AGO4: variants seen among roughly 807,000 people sequenced by gnomAD.
The protein encoded by AGO4 is argonaute RISC component 4, also known as protein argonaute-4.
Under a neutral mutation model 104.7 loss-of-function variants are expected in AGO4, and 33 were observed. That is an observed-to-expected ratio of 0.32 (90% CI 0.24 to 0.42). The LOEUF is 0.42. AGO4 is among the 10% of genes least tolerant of loss of function. The pLI, the probability that AGO4 is intolerant of heterozygous loss-of-function variation, is 1.00. For missense variants in AGO4, 711 were observed against 1,083.4 expected (o/e 0.66, Z 4.83); for synonymous variants, 331 against 364.7 (o/e 0.91, Z 1.05).
At chr1:35,814,570 C>T (rs1643629023) in intron 1 of AGO4, among the ~76,000 whole-genome samples, 1 of 150,512 alleles carries the variant, frequency 6.6e-6, no homozygotes, top group African/African-American at 2.4e-5. Flanking sequence ...TAAGAGTTTG[C>T]AATCTAGTGA....
chr1:35,852,382 A>G (rs1010121448), intron 17 of AGO4, among the ~76,000 whole-genome samples: 1 of 152,232 alleles, frequency 6.6e-6, no homozygotes, highest in Non-Finnish European at 1.5e-5. Flanking sequence ...CAAGCCCTTT[A>G]TATCACATGG....
intron 17 of AGO4, among the ~76,000 whole-genome samples, 178 bp from the exon 18 acceptor site, chr1:35,853,319 A>G (rs1308409639): frequency 2.0e-5 from 3 of 152,140 alleles, no homozygotes; most frequent in African/African-American, 7.2e-5. Flanking sequence ...AAATTATTCA[A>G]GAAGCTAAAG....
intron 2 of AGO4, among the ~76,000 whole-genome samples, chr1:35,821,168 A>G (rs972493467): frequency 6.6e-6 from 1 of 152,234 alleles, no homozygotes; most frequent in African/African-American, 2.4e-5. Context: ...TCTTTACTCT[A>G]AAACTTTTTG....
At chr1:35,818,653 GAAA>G (rs1557552184) in intron 2 of AGO4, among the ~76,000 whole-genome samples, 32 of 108,460 alleles carry the variant, frequency 3.0e-4, no homozygotes, top group East Asian at 9.6e-4. Context: ...AAGAAAGAAA[GAAA>G]GAAAGGAAGA....
At chr1:35,848,407 T>C (rs992650603) in intron 15 of AGO4, among the ~76,000 whole-genome samples, 21 of 152,084 alleles carry the variant, frequency 1.4e-4, no homozygotes, top group Middle Eastern at 3.2e-3. Flanking sequence ...TCCCAATGCT[T>C]CCCATATGCC....
intron 15 of AGO4, among the ~76,000 whole-genome samples, chr1:35,844,431 C>T (rs1644518637): frequency 6.6e-6 from 1 of 151,892 alleles, no homozygotes. Context: ...TTTTCATTTA[C>T]CCTATTCCCC....
rs12059301 is a variant in AGO4 at position 35,855,300 on chromosome 1, G to T, written c.*1695G>T. The T allele has an allele frequency of 0.1, 15,357 of 152,786 alleles. 1,240 individuals carry two copies. Among genetic ancestry groups the T allele is most frequent in the African/African-American group, 0.23 (9,565 of 41,484 alleles). 9.5% of individuals were successfully genotyped at this position (152,786 alleles called of 1,614,324 possible). On this transcript the variant is annotated 3_prime_UTR_variant, in exon 18 of 18. Transcript: ENST00000373210. Reference sequence around the variant, plus strand: ...CGCCCCTGCCTGGAAACTGCTGGTGGGGAAATGATGGTGAAGGGTGTTTGC... The same window carrying T: ...CGCCCCTGCCTGGAAACTGCTGGTGTGGAAATGATGGTGAAGGGTGTTTGC...
intron 1 of AGO4, among the ~76,000 whole-genome samples, chr1:35,811,626 CAG>C (rs1557546514): frequency 6.6e-6 from 1 of 151,704 alleles, no homozygotes; most frequent in African/African-American, 2.4e-5. Context: ...TTTTTTGAGA[CAG>C]AGTCTCGCTG....
At chr1:35,839,794 A>G (rs1362733634) in intron 13 of AGO4, among the ~76,000 whole-genome samples, 3 of 151,926 alleles carry the variant, frequency 2.0e-5, no homozygotes. Flanking sequence ...TGCCTCTTAA[A>G]TTACACTTGA....
chr1:35,832,415 C>T, intron 10 of AGO4, 22 bp from the exon 11 acceptor site: 6 of 1,524,998 alleles, frequency 3.9e-6, no homozygotes, highest in South Asian at 1.3e-5. Flanking sequence ...TCTTCTTCTT[C>T]TTCTTTTTTT....
At chr1:35,832,961 A>G (rs754268652) in intron 11 of AGO4, among the ~76,000 whole-genome samples, 2 of 152,218 alleles carry the variant, frequency 1.3e-5, no homozygotes, top group Non-Finnish European at 2.9e-5. Flanking sequence ...GTAGGTTCGC[A>G]TCTTACAGAT....
In AGO4 at chr1:35,850,928, G is replaced by A. The variant is rs150907205; in HGVS notation, c.2352G>A (p.Leu784=). Residue 784 remains leucine, a synonymous_variant, in exon 17 of 18, where the codon CTG becomes CTA. Coordinates refer to ENST00000373210, the MANE Select transcript of AGO4 (RefSeq NM_017629.4). ...TCACTGCAGATGAACTCCAGCTACT[G>A]ACTTACCAGCTGTGTCACACCTATG... ...NCFTADELQL[L]TYQLCHTYVR... 277 of 1,613,616 alleles carry A rather than the reference G, an allele frequency of 1.7e-4. No individual in the cohort carries two copies. Among genetic ancestry groups the A allele is most frequent in the Non-Finnish European group, 2.3e-4 (266 of 1,180,024 alleles).
chr1:35,818,648 A>AG (rs1557552131), intron 2 of AGO4, among the ~76,000 whole-genome samples: 14 of 89,246 alleles, frequency 1.6e-4, no homozygotes, highest in South Asian at 3.8e-4. Context: ...AAAGAAAGAA[A>AG]GAAAGAAAGA....
rs1643919147 is a variant in AGO4 at position 35,822,946 on chromosome 1, G to T, written c.270G>T (p.Met90Ile). The change falls in exon 3 of 18, where the codon ATG (methionine) becomes ATT (isoleucine). Residue 90 changes from methionine to isoleucine, a missense_variant. Met to Ile is a conservative substitution (Grantham distance 10). Coordinates refer to ENST00000373210, the MANE Select transcript of AGO4 (RefSeq NM_017629.4). ...RQPGYDGKRN[M>I]YTAHPLPIGR... ...CTGGGTATGATGGCAAAAGAAACATGTACACAGCACATCCACTACCAATTG... is the reference window on the plus strand; with the variant it reads ...CTGGGTATGATGGCAAAAGAAACATTTACACAGCACATCCACTACCAATTG... 6.2e-7 allele frequency: 1 copy of T among 1,613,918 alleles called. No individual in the cohort carries two copies. The highest frequency in any genetic ancestry group is 8.5e-7 in the Non-Finnish European group (1 of 1,179,990).
intron 3 of AGO4, among the ~76,000 whole-genome samples, chr1:35,824,202 T>A (rs1643955255): frequency 6.6e-6 from 1 of 152,108 alleles, no homozygotes; most frequent in Admixed American, 6.5e-5. Flanking sequence ...ATCCAGACAA[T>A]CTAGAAATGC....
At chr1:35,818,666 AAAG>A (rs1643803714) in intron 2 of AGO4, among the ~76,000 whole-genome samples, 1 of 79,686 alleles carries the variant, frequency 1.3e-5, no homozygotes, top group Non-Finnish European at 2.4e-5. Flanking sequence ...AGAAAGGAAG[AAAG>A]GAAGGAAGGA....
At chr1:35,828,808 A>C (rs1165401930) in intron 7 of AGO4, among the ~76,000 whole-genome samples, 1 of 152,208 alleles carries the variant, frequency 6.6e-6, no homozygotes, top group East Asian at 1.9e-4. Context: ...GGCATGAGCC[A>C]CTGCGCCCAG....
At chr1:35,845,449 C>G (rs1274859019) in intron 15 of AGO4, among the ~76,000 whole-genome samples, 1 of 152,006 alleles carries the variant, frequency 6.6e-6, no homozygotes, top group African/African-American at 2.4e-5. Context: ...TCAAGTGATT[C>G]ACCCACCTCG....
At chr1:35,847,461 T>G (rs1644599286) in intron 15 of AGO4, among the ~76,000 whole-genome samples, 1 of 152,156 alleles carries the variant, frequency 6.6e-6, no homozygotes, top group Non-Finnish European at 1.5e-5. Context: ...CTTGAACTCC[T>G]GAGCTCAAGT....
Sources: gnomAD v4.1 joint callset for allele counts (sites outside exome capture counted in the v4.1 genomes callset) on GRCh38, gnomAD v4.1.1 for gene constraint, MANE v1.5 for transcripts, NCBI Gene and HGNC (gene_info 2026-07-23, HGNC 2026-07-21) for gene names.